XRCC5: variants seen among roughly 807,000 people sequenced by gnomAD.
XRCC5 encodes the protein DNA repair protein Ku80.
A neutral mutation model predicts 95.7 loss-of-function variants in XRCC5; 12 were observed. The ratio of observed to expected loss-of-function variants is 0.13; its 90% CI spans 0.08 to 0.20. XRCC5 has a LOEUF of 0.20. XRCC5 is among the 10% of genes least tolerant of loss of function. XRCC5 has a pLI of 1.00. For missense variants in XRCC5, 595 were observed against 873.9 expected (o/e 0.68, Z 4.02); for synonymous variants, 281 against 290.3 (o/e 0.97, Z 0.33).
intron 19 of XRCC5, among the ~76,000 whole-genome samples, chr2:216,202,279 G>A (rs910074373): frequency 1.3e-5 from 2 of 152,318 alleles, no homozygotes; most frequent in African/African-American, 4.8e-5. Flanking sequence ...GTCTTATCCT[G>A]TAGCCATATA....
chr2:216,164,204 T>G (rs969829966), intron 16 of XRCC5, among the ~76,000 whole-genome samples: 2 of 152,136 alleles, frequency 1.3e-5, no homozygotes, highest in African/African-American at 4.8e-5. Flanking sequence ...TGAAGGAAAA[T>G]TGAGACTTTC....
intron 16 of XRCC5, among the ~76,000 whole-genome samples, chr2:216,167,608 G>T (rs1375796168): frequency 1.7e-5 from 2 of 118,382 alleles, no homozygotes; most frequent in Non-Finnish European, 3.5e-5. Context: ...GTGTGTGTGT[G>T]TGTGTGATTT....
chr2:216,156,311 G>T, intron 14 of XRCC5: 1 of 618,610 alleles, frequency 1.6e-6, no homozygotes. Context: ...GGAAGCAGAA[G>T]CAATATGATG....
intron 18 of XRCC5, 136 bp downstream of exon 18, chr2:216,192,871 C>CA (rs1272161582): frequency 1.7e-6 from 1 of 594,690 alleles, no homozygotes; most frequent in Non-Finnish European, 2.7e-6. Context: ...TGACTTTCTA[C>CA]ATGGCTTTGG....
chr2:216,172,781 A>G (rs1689193642), intron 16 of XRCC5, among the ~76,000 whole-genome samples: 2 of 152,074 alleles, frequency 1.3e-5, no homozygotes, highest in Non-Finnish European at 2.9e-5. Flanking sequence ...TTTTCAATTT[A>G]TATGAAAAAC....
At chr2:216,196,175 C>T (rs1196831519) in intron 19 of XRCC5, among the ~76,000 whole-genome samples, 2 of 146,250 alleles carry the variant, frequency 1.4e-5, no homozygotes, top group Non-Finnish European at 3.0e-5. Flanking sequence ...TTAAAATTTA[C>T]AAGAATTTTT....
intron 19 of XRCC5, among the ~76,000 whole-genome samples, chr2:216,195,385 C>CTTTTCTTTTCTT: frequency 7.3e-6 from 1 of 136,880 alleles, no homozygotes; most frequent in Middle Eastern, 3.7e-3. Flanking sequence ...CTTTTCTTTT[C>CTTTTCTTTTCTT]TTTTCTCTTT....
chr2:216,206,230 C>T lies in XRCC5; in HGVS notation c.*1028C>T, dbSNP rs976468856. 6.6e-6 allele frequency: 1 copy of T among 152,154 alleles called. No homozygotes were observed. The highest frequency in any genetic ancestry group is 1.5e-5 in the Non-Finnish European group (1 of 68,024). 9.4% of individuals were successfully genotyped at this position (152,154 alleles called of 1,614,324 possible). On this transcript the variant is annotated 3_prime_UTR_variant, in exon 21 of 21. Coordinates refer to ENST00000392132, the MANE Select transcript of XRCC5 (RefSeq NM_021141.4). ...CTCTGTCTTCAGCACCCTCATAAGT[C>T]GTCACTAATACACAGTTTTGTACAT...
chr2:216,173,844 G>A (rs903755808), intron 16 of XRCC5, among the ~76,000 whole-genome samples: 1 of 152,052 alleles, frequency 6.6e-6, no homozygotes, highest in Non-Finnish European at 1.5e-5. Flanking sequence ...TCCAGCTGCC[G>A]GTGTCATGCT....
At chr2:216,116,261 C>G (rs1056945841) in intron 2 of XRCC5, among the ~76,000 whole-genome samples, 17 of 152,032 alleles carry the variant, frequency 1.1e-4, no homozygotes, top group Non-Finnish European at 1.9e-4. Flanking sequence ...GGGATATAGG[C>G]TATCCTGCAC....
rs200680768 is a variant in XRCC5 at position 216,162,407 on chromosome 2, C to CTT, written c.1834+369_1834+370dup. Among the ~76,000 whole-genome samples, 94 of 146,150 alleles carry CTT rather than the reference C, an allele frequency of 6.4e-4. 1 individual carries two copies. Among genetic ancestry groups the CTT allele is most frequent in the Admixed American group, 3.2e-3 (47 of 14,670 alleles). Reference sequence around the variant, plus strand: ...CTATTTTATTTTCTTCCTTTTTTTTCTTTTTTTTTTTGAGATGGAGTTTCT... The same window carrying CTT: ...CTATTTTATTTTCTTCCTTTTTTTTCTTTTTTTTTTTTTGAGATGGAGTTTCT... On this transcript the variant is annotated intron_variant, in intron 16 of 20. Transcript: ENST00000392132.
chr2:216,123,110 T>G (rs1696839512), intron 6 of XRCC5, among the ~76,000 whole-genome samples: 1 of 152,168 alleles, frequency 6.6e-6, no homozygotes, highest in South Asian at 2.1e-4. Flanking sequence ...CTGCTTGATA[T>G]TCTTGAATTA....
chr2:216,175,405 G>A (rs1385284983), intron 16 of XRCC5: 2 of 516,260 alleles, frequency 3.9e-6, no homozygotes, highest in East Asian at 5.5e-5. Context: ...CATCACCTCT[G>A]TGATCCTGCA....
intron 16 of XRCC5, among the ~76,000 whole-genome samples, chr2:216,184,921 G>A (rs907664303): frequency 6.6e-6 from 1 of 152,172 alleles, no homozygotes; most frequent in Non-Finnish European, 1.5e-5. Context: ...GGGAGGTGTG[G>A]GCAGAGCTGG....
chr2:216,132,090 G>A (rs1267258950), intron 9 of XRCC5, among the ~76,000 whole-genome samples: 1 of 152,192 alleles, frequency 6.6e-6, no homozygotes, highest in Non-Finnish European at 1.5e-5. Flanking sequence ...CTCCTCAAGG[G>A]CAAGATTATG....
chr2:216,185,085 G>C (rs1421367282), intron 16 of XRCC5, among the ~76,000 whole-genome samples: 1 of 152,124 alleles, frequency 6.6e-6, no homozygotes, highest in Non-Finnish European at 1.5e-5. Context: ...AGTGTCTTCA[G>C]CTCCCATAGG....
chr2:216,145,441 G>A (rs1688610459), intron 13 of XRCC5, among the ~76,000 whole-genome samples: 1 of 152,150 alleles, frequency 6.6e-6, no homozygotes, highest in Non-Finnish European at 1.5e-5. Flanking sequence ...TAACTTTTGA[G>A]CTATTGTGGT....
chr2:216,114,848 C>G (rs1225240792), intron 2 of XRCC5, among the ~76,000 whole-genome samples: 1 of 152,154 alleles, frequency 6.6e-6, no homozygotes, highest in Non-Finnish European at 1.5e-5. Flanking sequence ...TGCCGAGTTG[C>G]CGCTACTGAG....
At chr2:216,188,592 C>T (rs888491321) in intron 16 of XRCC5, among the ~76,000 whole-genome samples, 1 of 152,122 alleles carries the variant, frequency 6.6e-6, no homozygotes, top group East Asian at 1.9e-4. Context: ...TTATTTGTGC[C>T]CAAATATGTA....
Sources: gnomAD v4.1 joint callset for allele counts (sites outside exome capture counted in the v4.1 genomes callset) on GRCh38, gnomAD v4.1.1 for gene constraint, MANE v1.5 for transcripts, NCBI Gene and HGNC (gene_info 2026-07-23, HGNC 2026-07-21) for gene names.